SIRPA: variants seen among roughly 807,000 people sequenced by gnomAD.
SIRPA encodes tyrosine-protein phosphatase non-receptor type substrate 1.
Under a neutral mutation model 50.3 loss-of-function variants are expected in SIRPA, and 9 were observed. The observed-to-expected ratio is 0.18, with a 90% confidence interval of 0.11 to 0.31. The LOEUF is 0.31. Ranked by LOEUF, SIRPA falls within the 10% of genes least tolerant of loss-of-function variation. The pLI is 1.00. For missense variants in SIRPA, 474 were observed against 661.6 expected, an observed-to-expected ratio of 0.72 and a Z score of 3.11; for synonymous variants, 265 against 284.1, an observed-to-expected ratio of 0.93 and a Z score of 0.68.
At chr20:1,911,666 G>A (rs1180895195) in intron 1 of SIRPA, among the ~76,000 whole-genome samples, 1 of 152,158 alleles carries the variant, frequency 6.6e-6, no homozygotes, top group African/African-American at 2.4e-5. Flanking sequence ...GCAAAGGCTG[G>A]TGAACAGATT....
At chr20:1,906,650 C>G (rs74703683) in intron 1 of SIRPA, among the ~76,000 whole-genome samples, 1 of 152,298 alleles carries the variant, frequency 6.6e-6, no homozygotes, top group East Asian at 1.9e-4. Context: ...GGGTTTCACT[C>G]TGAGTGCAGT....
Position 1,937,333 on chromosome 20 carries a change from T to G in SIRPA, c.1280T>G (p.Ile427Ser). The G allele has an allele frequency of 6.2e-7, 1 of 1,612,962 alleles. No individual in the cohort carries two copies. Among genetic ancestry groups the G allele is most frequent in the East Asian group, 2.2e-5 (1 of 44,812 alleles). The stretch of plus-strand genomic sequence containing the variant: ...TCTTAAATCCAGGACACAAATGATA[T>G]CACATATGCAGACCTGAACCTGCCC... The part of the protein sequence containing the change: ...AREITQDTND[I>S]TYADLNLPKG... The change falls in exon 8 of 8, where the codon ATC (isoleucine) becomes AGC (serine). Residue 427 changes from isoleucine to serine, a missense_variant. Coordinates refer to ENST00000358771, the MANE Select transcript of SIRPA (RefSeq NM_001040023.2). This position sits in a 1 kb window ranked among gnomAD's most constrained non-coding sequence, Gnocchi z 8.3.
chr20:1,926,003 C>G (rs1985953669), intron 5 of SIRPA, among the ~76,000 whole-genome samples: 1 of 152,210 alleles, frequency 6.6e-6, no homozygotes, highest in Non-Finnish European at 1.5e-5. Flanking sequence ...CCCACCGCCT[C>G]CAAAGGGACA....
intron 2 of SIRPA, among the ~76,000 whole-genome samples, 190 bp from the exon 3 acceptor site, chr20:1,921,205 G>C (rs1260531052): frequency 6.6e-6 from 1 of 152,112 alleles, no homozygotes; most frequent in East Asian, 1.9e-4. Flanking sequence ...ACCTCACATG[G>C]GTCCTCACCT....
At chr20:1,931,651 TGTGA>T (rs1986305008) in intron 6 of SIRPA, among the ~76,000 whole-genome samples, 3 of 152,108 alleles carry the variant, frequency 2.0e-5, no homozygotes, top group African/African-American at 7.2e-5. Flanking sequence ...AGGACGTTGG[TGTGA>T]GTAACAGCTG....
intron 2 of SIRPA, among the ~76,000 whole-genome samples, chr20:1,918,490 G>A (rs867114978): frequency 6.6e-6 from 1 of 151,686 alleles, no homozygotes; most frequent in Admixed American, 6.6e-5. Context: ...GGGATTACAG[G>A]TGTGAGCCAC....
chr20:1,926,655 G>A (rs139978777), intron 5 of SIRPA, among the ~76,000 whole-genome samples: 2 of 152,316 alleles, frequency 1.3e-5, no homozygotes, highest in Non-Finnish European at 2.9e-5. Context: ...GCTCACCACA[G>A]ACCTCATGGG....
rs773283681 is a variant in SIRPA at position 1,940,498 on chromosome 20, G to A, written c.*2930G>A. 5 of 152,182 alleles carry A rather than the reference G, an allele frequency of 3.3e-5. No individual in the cohort carries two copies. Among genetic ancestry groups the A allele is most frequent in the Admixed American group, 2.0e-4 (3 of 15,278 alleles). 9.4% of individuals were successfully genotyped at this position (152,182 alleles called of 1,614,324 possible). ...TGTCAAGTGCTGGTTTATAGTGGGTGCTCAATAAATGTTAGTTTCCTTTCT... is the reference window on the plus strand; with the variant it reads ...TGTCAAGTGCTGGTTTATAGTGGGTACTCAATAAATGTTAGTTTCCTTTCT... On this transcript the variant is annotated 3_prime_UTR_variant, in exon 8 of 8. Coordinates refer to ENST00000358771, the MANE Select transcript of SIRPA (RefSeq NM_001040023.2).
chr20:1,894,231 G>C (rs1983615934), upstream of SIRPA: 1 of 152,166 alleles, frequency 6.6e-6, no homozygotes, highest in African/African-American at 2.4e-5. The surrounding 1 kb of genome is among the most constrained non-coding windows in gnomAD (Gnocchi z 4.0). Flanking sequence ...GACCTCCTGG[G>C]GAGGGTTAAA....
intron 1 of SIRPA, among the ~76,000 whole-genome samples, chr20:1,913,447 T>G (rs1261566655): frequency 6.6e-6 from 1 of 152,088 alleles, no homozygotes; most frequent in Admixed American, 6.5e-5. Flanking sequence ...TCACAGGGTC[T>G]CTCTCCTCCC....
chr20:1,934,868 G>A lies in SIRPA; in HGVS notation c.1266+114G>A. 8.6e-7 allele frequency: 1 copy of A among 1,163,708 alleles called. No homozygotes were observed. The highest frequency in any genetic ancestry group is 1.3e-6 in the Non-Finnish European group (1 of 775,582). The allele number at this position is 1,163,708 out of a possible 1,614,324, so 72.1% of individuals were successfully genotyped here. The stretch of plus-strand genomic sequence containing the variant: ...AAGACTCCTTGTGGGGTGGAGGGTG[G>A]AGGATCTTACACTCCTAGCTTTCCC... On this transcript the variant is annotated intron_variant, in intron 7 of 7. Coordinates refer to ENST00000358771, the MANE Select transcript of SIRPA (RefSeq NM_001040023.2). This position sits in a 1 kb window ranked among gnomAD's most constrained non-coding sequence, Gnocchi z 4.6.
At position 1,921,491 on chromosome 20, in the gene SIRPA, G is replaced by C. The variant is rs1296642085; in HGVS notation, c.533G>C (p.Arg178Thr). The change falls in exon 3 of 8, where the codon AGA becomes ACA. Residue 178 changes from arginine to threonine, a missense_variant. By Grantham distance (71) the Arg-to-Thr change is moderately conservative. Around this residue, in one of 4 missense-constraint regions of SIRPA, gnomAD observed 221 missense variants for 359.9 expected, o/e 0.61. Coordinates refer to ENST00000358771, the MANE Select transcript of SIRPA (RefSeq NM_001040023.2). ...FTCESHGFSPRDITLKWFKNG... is the reference protein window; with the variant it reads ...FTCESHGFSPTDITLKWFKNG... ...TGCGAGTCCCACGGCTTCTCACCCAGAGACATCACCCTGAAATGGTTCAAA... is the reference window on the plus strand; with the variant it reads ...TGCGAGTCCCACGGCTTCTCACCCACAGACATCACCCTGAAATGGTTCAAA... 6.2e-7 allele frequency: 1 copy of C among 1,614,004 alleles called. No homozygotes were observed. Among genetic ancestry groups the C allele is most frequent in the South Asian group, 1.1e-5 (1 of 91,074 alleles).
Position 1,921,691 on chromosome 20 carries a change from A to C in SIRPA, c.733A>C (p.Asn245His), listed in dbSNP as rs761181759. The C allele has an allele frequency of 1.9e-6, 3 of 1,614,156 alleles. No individual in the cohort carries two copies. Among genetic ancestry groups the C allele is most frequent in the Non-Finnish European group, 2.5e-6 (3 of 1,180,024 alleles). Residue 245 changes from asparagine to histidine, a missense_variant, in exon 3 of 8, where the codon AAC becomes CAC. By Grantham distance (68) the Asn-to-His change is moderately conservative. Coordinates refer to ENST00000358771, the MANE Select transcript of SIRPA (RefSeq NM_001040023.2). Reference protein sequence around the residue: ...LQGDPLRGTANLSETIRVPPT... With the variant: ...LQGDPLRGTAHLSETIRVPPT... ...GGGGGACCCTCTTCGTGGGACTGCC[A>C]ACTTGTCTGAGACCATCCGAGGTAG...
rs1291668064 is a variant in SIRPA at position 1,934,465 on chromosome 20, A to G, written c.1227-250A>G. The stretch of plus-strand genomic sequence containing the variant: ...CACCATAGCTTCCCCAGCACCAAGT[A>G]TTATAATTTTTAAAGATCCTTGCCA... On this transcript the variant is annotated intron_variant, in intron 6 of 7. Coordinates refer to ENST00000358771, the MANE Select transcript of SIRPA (RefSeq NM_001040023.2). This position sits in a 1 kb window ranked among gnomAD's most constrained non-coding sequence, Gnocchi z 4.6. Among the ~76,000 whole-genome samples, 2 of 152,210 alleles carry G rather than the reference A, an allele frequency of 1.3e-5. No individual in the cohort carries two copies.
At chr20:1,914,264 G>C (rs67772748) in intron 1 of SIRPA, among the ~76,000 whole-genome samples, 61,816 of 151,658 alleles carry the variant, frequency 0.41, 12,845 homozygotes, top group East Asian at 0.66. Flanking sequence ...ACTCAAAACT[G>C]ATGGATAAAT....
At position 1,915,013 on chromosome 20, in the gene SIRPA, G is replaced by A. The variant is rs1985149891; in HGVS notation, c.80-86G>A. 6 of 1,093,898 alleles carry A rather than the reference G, an allele frequency of 5.5e-6. No homozygotes were observed. The Admixed American group carries it at 1.1e-4, about 20-fold the overall frequency. The allele number at this position is 1,093,898 out of a possible 1,614,324, so 67.8% of individuals were successfully genotyped here. ...ACAGCCTGCTTCTGGTGTGCATCCA[G>A]TCAATGAACGTCATTGATAAACACT... On this transcript the variant is annotated intron_variant, in intron 1 of 7. Transcript: ENST00000358771.
At chr20:1,920,850 C>T (rs1251077510) in intron 2 of SIRPA, among the ~76,000 whole-genome samples, 2 of 152,240 alleles carry the variant, frequency 1.3e-5, no homozygotes, top group African/African-American at 4.8e-5. Flanking sequence ...TCTGTTGCCT[C>T]ATTTAATCCT....
chr20:1,931,677 G>A (rs931687446), intron 6 of SIRPA, among the ~76,000 whole-genome samples: 6 of 152,150 alleles, frequency 3.9e-5, no homozygotes, highest in African/African-American at 1.4e-4. Flanking sequence ...GCACCTCAGG[G>A]AGGCTGCAAG....
chr20:1,916,642 A>C (rs551237543), intron 2 of SIRPA, among the ~76,000 whole-genome samples: 4 of 152,362 alleles, frequency 2.6e-5, no homozygotes, highest in Admixed American at 2.6e-4. Flanking sequence ...CTGAGATTTC[A>C]TATCAGGATA....
Sources: gnomAD v4.1 joint callset for allele counts (sites outside exome capture counted in the v4.1 genomes callset) on GRCh38, gnomAD v4.1.1 for gene constraint, gnomAD v4.1.1 regional missense constraint, Gnocchi (gnomAD v3.1) non-coding constraint, MANE v1.5 for transcripts, NCBI Gene and HGNC (gene_info 2026-07-23, HGNC 2026-07-21) for gene names.